STK3: variants seen among roughly 807,000 people sequenced by gnomAD.
The protein encoded by STK3 is serine/threonine-protein kinase 3.
In STK3, 41 loss-of-function variants were observed where a neutral mutation model predicts 58.0. That is an observed-to-expected ratio of 0.71 (90% CI 0.55 to 0.92). The LOEUF (loss-of-function observed/expected upper bound fraction) is 0.92. Among genes scored for constraint, STK3 ranks in the 40% least tolerant of loss-of-function variants. The probability of loss-of-function intolerance (pLI) is 0.00; values close to 1 mark genes in which losing one functional copy is unlikely to be tolerated. For synonymous variants in STK3, 170 were observed against 191.0 expected (o/e 0.89, Z 0.91); for missense variants, 479 against 602.7 (o/e 0.79, Z 2.15).
chr8:98,870,662 A>G (rs556132785), intron 3 of STK3, among the ~76,000 whole-genome samples: 2 of 152,296 alleles, frequency 1.3e-5, no homozygotes, highest in South Asian at 2.1e-4. Flanking sequence ...GTCTGTTCAT[A>G]TCCTTTGCCC....
At chr8:98,832,400 A>G (rs182097528) in intron 3 of STK3, among the ~76,000 whole-genome samples, 1 of 152,174 alleles carries the variant, frequency 6.6e-6, no homozygotes, top group Admixed American at 6.5e-5. Context: ...ATTAAGCTAT[A>G]TACTTCAAAA....
chr8:98,761,096 T>C (rs1384154073), intron 3 of STK3, among the ~76,000 whole-genome samples: 1 of 151,930 alleles, frequency 6.6e-6, no homozygotes, highest in Non-Finnish European at 1.5e-5. Context: ...GGAATACTAT[T>C]TGAAAATACT....
chr8:98,710,064 G>C (rs1324749298), intron 4 of STK3, among the ~76,000 whole-genome samples: 1 of 152,022 alleles, frequency 6.6e-6, no homozygotes, highest in Non-Finnish European at 1.5e-5. Context: ...TGGAAAAAAA[G>C]AAGTAAAATT....
intron 4 of STK3, among the ~76,000 whole-genome samples, chr8:98,743,406 A>G (rs1829382601): frequency 6.6e-6 from 1 of 152,194 alleles, no homozygotes; most frequent in Non-Finnish European, 1.5e-5. Context: ...AATGGAACAG[A>G]ACAGAGCCCT....
At chr8:98,751,619 T>C (rs993787815) in intron 3 of STK3, among the ~76,000 whole-genome samples, 2 of 152,052 alleles carry the variant, frequency 1.3e-5, no homozygotes, top group Non-Finnish European at 2.9e-5. Context: ...CATAAAGAAA[T>C]GGGAAAACAT....
At chr8:98,518,735 C>T (rs146464165) in intron 10 of STK3, among the ~76,000 whole-genome samples, 22 of 152,246 alleles carry the variant, frequency 1.4e-4, no homozygotes, top group Middle Eastern at 3.4e-3. Context: ...ATATGACTGC[C>T]AGCACAGATT....
chr8:98,413,223 C>T (rs1416773689), intron 3 of STK3: 1 of 306,948 alleles, frequency 3.3e-6, no homozygotes, highest in Admixed American at 4.4e-5. Flanking sequence ...CCATGTTTGC[C>T]AGGCTGGTCT....
intron 4 of STK3, among the ~76,000 whole-genome samples, chr8:98,716,101 A>G (rs1364935668): frequency 2.6e-5 from 4 of 152,124 alleles, no homozygotes; most frequent in African/African-American, 9.7e-5. Context: ...ACATGGACAC[A>G]GGAAGGGGAA....
chr8:98,851,160 C>A (rs1273932299), intron 3 of STK3, among the ~76,000 whole-genome samples: 2 of 152,126 alleles, frequency 1.3e-5, no homozygotes, highest in African/African-American at 4.8e-5. Flanking sequence ...GGAAGCAACA[C>A]CCCCAACCAT....
Position 98,761,369 on chromosome 8 carries a change from C to T in STK3, c.236+5874G>A, listed in dbSNP as rs1260691064. Among the ~76,000 whole-genome samples the T allele has an allele frequency of 2.0e-5, 3 of 151,960 alleles. No individual in the cohort carries two copies. In the East Asian group the frequency reaches 5.8e-4, roughly 29 times the overall value. The stretch of plus-strand genomic sequence containing the variant: ...TGAACTCCTGAGTTCAAGCAATCTG[C>T]CCACCTCGGCCTCCCAAAGTGCAAG... On this transcript the variant is annotated intron_variant, in intron 3 of 10. Coordinates refer to ENST00000419617, the MANE Select transcript of STK3 (RefSeq NM_006281.4).
the STK3 span, among the ~76,000 whole-genome samples, chr8:98,357,917 A>G: frequency 6.6e-6 from 1 of 152,182 alleles, no homozygotes; most frequent in African/African-American, 2.4e-5. Flanking sequence ...ATGTACAAGC[A>G]TCTGGGGCTC....
intron 6 of STK3, among the ~76,000 whole-genome samples, chr8:98,684,277 A>G (rs1823829189): frequency 6.6e-6 from 1 of 152,180 alleles, no homozygotes; most frequent in Non-Finnish European, 1.5e-5. Flanking sequence ...GTTTTCAGCA[A>G]TCTCCCCTGG....
chr8:98,755,132 C>T (rs1830211981), intron 3 of STK3, among the ~76,000 whole-genome samples: 1 of 152,188 alleles, frequency 6.6e-6, no homozygotes, highest in African/African-American at 2.4e-5. Context: ...CCAAGTCCAA[C>T]ACCTCTATAA....
At chr8:98,633,876 A>C in intron 6 of STK3, 1 of 363,070 alleles carries the variant, frequency 2.8e-6, no homozygotes, top group East Asian at 5.9e-5. Flanking sequence ...GGCCTGAAGA[A>C]ATAAAGTAAA....
chr8:98,406,066 A>G (rs1191341323), intron 3 of STK3, among the ~76,000 whole-genome samples: 5 of 152,048 alleles, frequency 3.3e-5, no homozygotes, highest in Non-Finnish European at 7.4e-5. Flanking sequence ...ACCCTCCTCT[A>G]TGTTCCCATT....
chr8:98,620,358 C>G (rs1365851949), intron 6 of STK3, among the ~76,000 whole-genome samples: 4 of 138,776 alleles, frequency 2.9e-5, no homozygotes, highest in Admixed American at 1.5e-4. Context: ...GGAGATATAC[C>G]TAATGCTAGA....
At chr8:98,573,196 A>C (rs1021919656) in intron 8 of STK3, among the ~76,000 whole-genome samples, 1 of 152,208 alleles carries the variant, frequency 6.6e-6, no homozygotes, top group African/African-American at 2.4e-5. Context: ...GGAGAAAAGG[A>C]GATTCTTATG....
At chr8:98,809,472 C>A (rs1834087296) in intron 1 of STK3, among the ~76,000 whole-genome samples, 1 of 152,178 alleles carries the variant, frequency 6.6e-6, no homozygotes. Context: ...TCATCTCCAA[C>A]CAAAATTCTA....
chr8:98,361,722 T>G, the STK3 span, among the ~76,000 whole-genome samples: 1 of 152,168 alleles, frequency 6.6e-6, no homozygotes, highest in Non-Finnish European at 1.5e-5. Context: ...TATATTTCAT[T>G]GGGACACTGG....
Sources: allele counts gnomAD v4.1 joint callset (sites outside exome capture counted in the v4.1 genomes callset), GRCh38; gene constraint gnomAD v4.1.1; transcripts MANE v1.5; gene names NCBI Gene and HGNC (gene_info 2026-07-23, HGNC 2026-07-21).